Variants in ELF5 observed in about 807,000 individuals in gnomAD.
ELF5 encodes the protein ETS-related transcription factor Elf-5.
ELF5 carries 31 observed loss-of-function variants against 38.2 expected under a neutral mutation model. The ratio of observed to expected loss-of-function variants is 0.81; its 90% confidence interval spans 0.61 to 1.10. ELF5 has a LOEUF of 1.10. ELF5 is among the 50% of genes least tolerant of loss of function. The probability of loss-of-function intolerance (pLI) is 0.00; values close to 1 mark genes in which losing one functional copy is unlikely to be tolerated. For missense variants in ELF5, 300 were observed against 306.6 expected (o/e 0.98, Z 0.16); for synonymous variants, 121 against 112.5 (o/e 1.08, Z -0.48).
intron 1 of ELF5, chr11:34,511,964 T>C (rs1414245226): frequency 5.6e-6 from 1 of 177,838 alleles, no homozygotes; most frequent in Non-Finnish European, 1.2e-5. Flanking sequence ...GTGCAAAATA[T>C]AGAAAAAAGT....
At position 34,513,696 on chromosome 11, in the gene ELF5, G is replaced by A. The variant is rs1022683090; in HGVS notation, c.-24C>T. The A allele has an allele frequency of 7.9e-5, 12 of 152,390 alleles. No homozygotes were observed. Among genetic ancestry groups the A allele is most frequent in the Admixed American group, 3.3e-4 (5 of 15,288 alleles). 9.4% of individuals were successfully genotyped at this position (152,390 alleles called of 1,614,324 possible). ...GCTTACGTGAGGGCAGCGGTGGCTA[G>A]GTCCAAAGAGGAGGCTTTCAAGGCA... On this transcript the variant is annotated 5_prime_UTR_variant, in exon 1 of 7. Transcript: ENST00000257832.
In ELF5 at chr11:34,480,266, C is replaced by T; in HGVS notation, c.720G>A (p.Val240=). ...GILERVDRRL[V]YKFGKNAHGW... Reference sequence around the variant, plus strand: ...CGTGTGCATTTTTTCCAAATTTGTACACTAACCTTCGGTCAACCCGCTCCA... The same window carrying T: ...CGTGTGCATTTTTTCCAAATTTGTATACTAACCTTCGGTCAACCCGCTCCA... The change falls in exon 7 of 7, where the codon GTG becomes GTA. Residue 240 remains valine, a synonymous_variant. Transcript: ENST00000257832. 3 of 1,614,052 alleles carry T rather than the reference C, an allele frequency of 1.9e-6. No individual in the cohort carries two copies. Among genetic ancestry groups the T allele is most frequent in the Middle Eastern group, 1.6e-4 (1 of 6,062 alleles).
chr11:34,495,010 C>T (rs1172289812), intron 2 of ELF5, among the ~76,000 whole-genome samples: 6 of 152,174 alleles, frequency 3.9e-5, no homozygotes, highest in Admixed American at 2.0e-4. Context: ...TTTGGTCCCC[C>T]GTCCCCCAGG....
intron 1 of ELF5, among the ~76,000 whole-genome samples, chr11:34,512,992 G>T (rs139736477): frequency 2.0e-5 from 3 of 152,232 alleles, no homozygotes; most frequent in African/African-American, 2.4e-5. Context: ...CCACACGCAG[G>T]CCCGGCTTCA....
intron 5 of ELF5, 59 bp downstream of exon 5, chr11:34,482,372 G>T: frequency 2.0e-6 from 3 of 1,478,994 alleles, no homozygotes; most frequent in South Asian, 1.2e-5. Flanking sequence ...TAAAGTAGAT[G>T]ACTTTGTCTG....
chr11:34,509,946 A>T (rs1850711939), intron 1 of ELF5, among the ~76,000 whole-genome samples: 1 of 152,210 alleles, frequency 6.6e-6, no homozygotes, highest in East Asian at 1.9e-4. Context: ...TGGGAATGAG[A>T]TCTTCCTCAT....
At chr11:34,482,593 CT>C (rs762408181) in intron 4 of ELF5, 94 bp from the exon 5 acceptor site, 8 of 1,010,980 alleles carry the variant, frequency 7.9e-6, no homozygotes, top group Non-Finnish European at 1.1e-5. Flanking sequence ...AATTGAATGC[CT>C]TTGTAGTAGA....
intron 2 of ELF5, among the ~76,000 whole-genome samples, chr11:34,502,205 G>A (rs1373352337): frequency 6.6e-6 from 1 of 152,242 alleles, no homozygotes; most frequent in African/African-American, 2.4e-5. Flanking sequence ...ACTGGCTGCA[G>A]GTCACATGGC....
chr11:34,492,230 G>A (rs1850196693), intron 3 of ELF5: 1 of 152,312 alleles, frequency 6.6e-6, no homozygotes. Context: ...ATTGTCACTG[G>A]AGTTTTGGCT....
At chr11:34,491,290 A>AAT (rs886755049) in intron 3 of ELF5, among the ~76,000 whole-genome samples, 16 of 152,144 alleles carry the variant, frequency 1.1e-4, no homozygotes, top group African/African-American at 3.9e-4. Context: ...CTTTGATCAC[A>AAT]ATATATATAT....
intron 2 of ELF5, among the ~76,000 whole-genome samples, chr11:34,500,564 G>C (rs1269424859): frequency 3.9e-5 from 6 of 152,240 alleles, no homozygotes; most frequent in Non-Finnish European, 7.3e-5. Flanking sequence ...CGTGGAGTTA[G>C]GAAGGGGCCA....
Position 34,505,634 on chromosome 11 carries a change from T to G in ELF5, c.116A>C (p.Gln39Pro), listed in dbSNP as rs574430500. Residue 39 changes from glutamine to proline, a missense_variant, in exon 2 of 7, where the codon CAG becomes CCG. Transcript: ENST00000257832. ...GCTCCTTCAAATGTACGCACCTGTC[T>G]GATGCTCAAAGGCAGGGTAGTACTC... ...NEEYYPAFEH[Q>P]TACDSYWTSV... is the part of the protein sequence containing the mutation. 11 of 1,613,886 alleles carry G rather than the reference T, an allele frequency of 6.8e-6. No homozygotes were observed. In the South Asian group the frequency reaches 9.9e-5, roughly 15 times the overall value.
At chr11:34,481,109 G>T in intron 5 of ELF5, 142 bp from the exon 6 acceptor site, 2 of 565,102 alleles carry the variant, frequency 3.5e-6, no homozygotes, top group Non-Finnish European at 5.4e-6. Flanking sequence ...TGCAACCTCT[G>T]CCTCCTGGGT....
At chr11:34,485,139 A>G (rs1362038481) in intron 4 of ELF5, among the ~76,000 whole-genome samples, 5 of 152,108 alleles carry the variant, frequency 3.3e-5, no homozygotes, top group African/African-American at 1.2e-4. Context: ...ACCCTGGGTG[A>G]TACTATTATG....
intron 2 of ELF5, among the ~76,000 whole-genome samples, chr11:34,504,782 G>A (rs1441856322): frequency 3.3e-5 from 5 of 152,174 alleles, no homozygotes; most frequent in South Asian, 4.1e-4. Flanking sequence ...GGCAAAGCTC[G>A]GCTGGCCTCC....
At chr11:34,488,199 C>T (rs1231787184) in intron 4 of ELF5, among the ~76,000 whole-genome samples, 1 of 152,114 alleles carries the variant, frequency 6.6e-6, no homozygotes, top group Non-Finnish European at 1.5e-5. Context: ...ATCTCTACCC[C>T]GACCTTGCCT....
chr11:34,497,102 G>C (rs991950668), intron 2 of ELF5, among the ~76,000 whole-genome samples: 1 of 152,200 alleles, frequency 6.6e-6, no homozygotes, highest in Admixed American at 6.5e-5. Context: ...ATAGTGTTTA[G>C]AACCTTAATG....
In ELF5 at chr11:34,482,453, G is replaced by A. The variant is rs1201381403; in HGVS notation, c.453C>T (p.Asp151=). ...CLKTSGIKSQ[D]CHSHSRTSLQ... ...TACTTGTTCTACTATGACTGTGACA[G>A]TCTTGACTTTTGATGCCACTTGTTT... Residue 151 remains aspartate, a synonymous_variant, in exon 5 of 7, where the codon GAC becomes GAT. Transcript: ENST00000257832. 3.1e-6 allele frequency: 5 copies of A among 1,612,688 alleles called. No individual in the cohort carries two copies. The highest frequency in any genetic ancestry group is 1.7e-5 in the Admixed American group (1 of 59,688).
At chr11:34,493,798 A>T in intron 2 of ELF5, 86 bp from the exon 3 acceptor site, 1 of 1,171,428 alleles carries the variant, frequency 8.5e-7, no homozygotes, top group Non-Finnish European at 1.2e-6. Context: ...GTTAAGTAAC[A>T]TCCTCATTCC....
Sources: allele counts gnomAD v4.1 joint callset (sites outside exome capture counted in the v4.1 genomes callset), GRCh38; gene constraint gnomAD v4.1.1; transcripts MANE v1.5; gene names NCBI Gene and HGNC (gene_info 2026-07-23, HGNC 2026-07-21).